TENM1: variants seen among roughly 807,000 people sequenced by gnomAD.
The protein encoded by TENM1 is teneurin-1.
In TENM1, 35 loss-of-function variants were observed where a neutral mutation model predicts 174.8. That is an observed-to-expected ratio of 0.20 (90% CI 0.15 to 0.27). The LOEUF is 0.27. TENM1 is among the 10% of genes least tolerant of loss of function. TENM1 has a pLI of 1.00. For missense variants in TENM1, 1,633 were observed against 2,130.1 expected (o/e 0.77, Z 4.59); for synonymous variants, 781 against 798.7 (o/e 0.98, Z 0.37).
At chrX:124,623,579 A>G (rs2050571256) in intron 11 of TENM1, among the ~76,000 whole-genome samples, 1 of 111,507 alleles carries the variant, frequency 9.0e-6, no homozygotes. Flanking sequence ...TATCTATAAT[A>G]CATCTATAAG....
intron 11 of TENM1, among the ~76,000 whole-genome samples, chrX:124,577,923 T>C (rs972445445): frequency 1.8e-5 from 2 of 109,319 alleles, no homozygotes; most frequent in Admixed American, 9.7e-5. Flanking sequence ...TTATCCTGAT[T>C]TCACTATTTT....
intron 3 of TENM1, among the ~76,000 whole-genome samples, chrX:124,838,029 C>T (rs1157948960): frequency 8.9e-6 from 1 of 112,243 alleles, no homozygotes; most frequent in African/African-American, 3.2e-5. Context: ...TCAGACATGT[C>T]CCCCAGGCAT....
the TENM1 span, among the ~76,000 whole-genome samples, chrX:125,103,517 T>C: frequency 3.6e-5 from 4 of 111,569 alleles, no homozygotes; most frequent in Non-Finnish European, 7.5e-5. Flanking sequence ...TTTAGATATT[T>C]TGACAATTCC....
chrX:124,754,125 T>C (rs776843282), intron 3 of TENM1, among the ~76,000 whole-genome samples: 2 of 111,667 alleles, frequency 1.8e-5, no homozygotes, highest in South Asian at 7.7e-4. Context: ...TCCTGGACTC[T>C]TTTCGTTGGT....
intron 9 of TENM1, 145 bp downstream of exon 12, chrX:124,646,564 C>T: frequency 2.4e-6 from 1 of 422,705 alleles, no homozygotes; most frequent in Non-Finnish European, 4.1e-6. Flanking sequence ...AGTAAGTGCT[C>T]AGCTTTTGGC....
At chrX:124,904,249 A>G (rs2057710837) in intron 1 of TENM1, among the ~76,000 whole-genome samples, 1 of 111,813 alleles carries the variant, frequency 8.9e-6, no homozygotes, top group African/African-American at 3.3e-5. Context: ...CTCTGTAAGC[A>G]TTTACTTTGT....
chrX:124,428,239 C>T (rs920122409), intron 23 of TENM1, among the ~76,000 whole-genome samples: 1 of 111,867 alleles, frequency 8.9e-6, no homozygotes, highest in Admixed American at 9.5e-5. Context: ...GACAGCATTA[C>T]GTCTTCCTCT....
chrX:124,822,340 C>A (rs997458118), intron 3 of TENM1, among the ~76,000 whole-genome samples: 1 of 112,307 alleles, frequency 8.9e-6, no homozygotes, highest in Non-Finnish European at 1.9e-5. Flanking sequence ...ATGAAACAAT[C>A]TTTGTTGTGT....
the TENM1 span, among the ~76,000 whole-genome samples, chrX:125,083,397 C>T: frequency 9.1e-6 from 1 of 110,295 alleles, no homozygotes; most frequent in African/African-American, 3.3e-5. Context: ...ATTTTGTACC[C>T]TTATCTCTCA....
At chrX:124,834,024 G>A (rs1254844449) in intron 3 of TENM1, among the ~76,000 whole-genome samples, 3 of 111,052 alleles carry the variant, frequency 2.7e-5, no homozygotes, top group Non-Finnish European at 5.7e-5. Context: ...AAAGACATAA[G>A]TATGAGACTT....
rs1409613687 is a variant in TENM1, at chrX:124,577,197, C to A, written c.2078-11637G>T. Among the ~76,000 whole-genome samples the A allele has an allele frequency of 6.3e-5, 7 of 111,431 alleles. No homozygotes were observed. In the South Asian group the frequency reaches 2.3e-3, roughly 36 times the overall value. On this transcript the variant is annotated intron_variant, in intron 11 of 31. Coordinates refer to ENST00000422452, the Ensembl canonical transcript of TENM1. ...GACGATACTAGCAATCATCAGGCAA[C>A]CTTTGCAACGGTGGTAGGCTTCTGC... is the stretch of plus-strand genomic sequence containing the variant.
chrX:124,564,492 C>A (rs150143497), intron 12 of TENM1, among the ~76,000 whole-genome samples: 1,281 of 111,268 alleles, frequency 0.012, 23 homozygotes, highest in African/African-American at 0.039. Context: ...CTTTGCTCTG[C>A]ATGAATTTTC....
chrX:124,546,418 A>G (rs1032283287), intron 15 of TENM1, among the ~76,000 whole-genome samples: 6 of 111,931 alleles, frequency 5.4e-5, no homozygotes, highest in African/African-American at 1.9e-4. Context: ...GTGACAATTC[A>G]TGCATTTGAG....
At chrX:124,656,497 C>T (rs1047823150) in intron 6 of TENM1, among the ~76,000 whole-genome samples, 25 of 112,008 alleles carry the variant, frequency 2.2e-4, no homozygotes, top group African/African-American at 6.2e-4. Context: ...CGAATGAGCA[C>T]GTGGACTGTA....
intron 3 of TENM1, among the ~76,000 whole-genome samples, chrX:124,763,869 T>G (rs1186174068): frequency 8.9e-6 from 1 of 112,140 alleles, no homozygotes; most frequent in Non-Finnish European, 1.9e-5. Context: ...TAGACTTTGT[T>G]GAATCCTATT....
intron 1 of TENM1, among the ~76,000 whole-genome samples, chrX:124,905,149 C>G (rs966220977): frequency 1.8e-5 from 2 of 109,890 alleles, no homozygotes; most frequent in Non-Finnish European, 3.8e-5. Flanking sequence ...CAAAGTGAGA[C>G]TCTGTCTCAA....
At chrX:124,757,317 C>T (rs998499242) in intron 3 of TENM1, among the ~76,000 whole-genome samples, 4 of 112,600 alleles carry the variant, frequency 3.6e-5, no homozygotes, top group Non-Finnish European at 5.6e-5. Flanking sequence ...ATATAATCTC[C>T]TGGTGCGCCG....
chrX:125,087,742 T>C, the TENM1 span, among the ~76,000 whole-genome samples: 1 of 110,719 alleles, frequency 9.0e-6, no homozygotes, highest in African/African-American at 3.3e-5. Flanking sequence ...AGACCAAAAC[T>C]GGAACAATTC....
intron 23 of TENM1, among the ~76,000 whole-genome samples, chrX:124,445,224 A>C (rs886490437): frequency 8.9e-6 from 1 of 111,819 alleles, no homozygotes; most frequent in Non-Finnish European, 1.9e-5. Flanking sequence ...CTGGATGGTG[A>C]AAGTTAAAGG....
Sources: gnomAD v4.1 joint callset for allele counts (sites outside exome capture counted in the v4.1 genomes callset) on GRCh38, gnomAD v4.1.1 for gene constraint, MANE v1.5 for transcripts, NCBI Gene and HGNC (gene_info 2026-07-23, HGNC 2026-07-21) for gene names.